Variants in PTPRG observed in about 807,000 individuals in gnomAD.
PTPRG encodes receptor-type tyrosine-protein phosphatase gamma.
Under a neutral mutation model 165.3 loss-of-function variants are expected in PTPRG, and 102 were observed. That is an observed-to-expected ratio of 0.62 (90% CI 0.53 to 0.73). The LOEUF is 0.73. PTPRG is among the 30% of genes least tolerant of loss of function. PTPRG has a pLI of 0.00. For missense variants in PTPRG, 1,866 were observed against 1,861.4 expected (o/e 1.00, Z -0.05); for synonymous variants, 675 against 669.5 (o/e 1.01, Z -0.13).
At chr3:61,839,817 C>G (rs986146581) in intron 2 of PTPRG, among the ~76,000 whole-genome samples, 3 of 152,166 alleles carry the variant, frequency 2.0e-5, no homozygotes, top group Admixed American at 2.0e-4. Flanking sequence ...CCTCACCTCT[C>G]AACTCTCACC....
chr3:62,059,240 C>T (rs900620235), intron 4 of PTPRG, among the ~76,000 whole-genome samples: 13 of 152,274 alleles, frequency 8.5e-5, no homozygotes, highest in African/African-American at 3.1e-4. Flanking sequence ...CTAGGGGACT[C>T]CTTCATAAGT....
chr3:62,192,659 C>T (rs1437981751), intron 9 of PTPRG, among the ~76,000 whole-genome samples: 2 of 152,056 alleles, frequency 1.3e-5, no homozygotes, highest in African/African-American at 4.8e-5. Context: ...GATCCGCCCA[C>T]CTCGGCCTCC....
chr3:62,064,142 A>G (rs1700918160), intron 4 of PTPRG, among the ~76,000 whole-genome samples: 1 of 151,038 alleles, frequency 6.6e-6, no homozygotes, highest in Non-Finnish European at 1.5e-5. Flanking sequence ...TTTTTTTCCG[A>G]TGAGCTACAT....
chr3:62,188,611 T>C (rs1047722551), intron 8 of PTPRG, among the ~76,000 whole-genome samples: 1 of 152,166 alleles, frequency 6.6e-6, no homozygotes, highest in Admixed American at 6.5e-5. Context: ...TGAATCATCT[T>C]AATGCACACA....
chr3:62,003,107 A>C (rs1346894586), intron 3 of PTPRG, among the ~76,000 whole-genome samples: 1 of 152,058 alleles, frequency 6.6e-6, no homozygotes, highest in African/African-American at 2.4e-5. Flanking sequence ...TAAATGGATA[A>C]GTAATTCTGA....
intron 1 of PTPRG, among the ~76,000 whole-genome samples, chr3:61,589,230 A>G (rs2106817402): frequency 6.6e-6 from 1 of 152,308 alleles, no homozygotes; most frequent in South Asian, 2.1e-4. Context: ...TATGAACAGC[A>G]CCACAATGGA....
intron 4 of PTPRG, among the ~76,000 whole-genome samples, chr3:62,033,207 C>G (rs1699825913): frequency 6.6e-6 from 1 of 152,086 alleles, no homozygotes; most frequent in African/African-American, 2.4e-5. Flanking sequence ...GACCTATGAA[C>G]CTACTTTCCT....
At chr3:62,227,002 G>T (rs1700778490) in intron 13 of PTPRG, among the ~76,000 whole-genome samples, 1 of 152,194 alleles carries the variant, frequency 6.6e-6, no homozygotes, top group Non-Finnish European at 1.5e-5. Flanking sequence ...GAGACAGAGT[G>T]TAATAAATAT....
intron 1 of PTPRG, among the ~76,000 whole-genome samples, chr3:61,640,417 T>G (rs1210205919): frequency 6.6e-6 from 1 of 152,118 alleles, no homozygotes; most frequent in Non-Finnish European, 1.5e-5. Flanking sequence ...CTCCTCCTCC[T>G]CCTCCTCTTC....
At chr3:61,943,752 T>C (rs1254637159) in intron 2 of PTPRG, among the ~76,000 whole-genome samples, 7 of 152,186 alleles carry the variant, frequency 4.6e-5, no homozygotes, top group South Asian at 4.1e-4. Context: ...AAATTTCTTA[T>C]ACGAGTCACT....
At chr3:61,752,012 C>T (rs1481194168) in intron 2 of PTPRG, among the ~76,000 whole-genome samples, 2 of 151,836 alleles carry the variant, frequency 1.3e-5, no homozygotes, top group African/African-American at 2.4e-5. Context: ...AAAAAGAAAA[C>T]GTTAACATAG....
intron 5 of PTPRG, among the ~76,000 whole-genome samples, chr3:62,101,679 G>C (rs1006817182): frequency 3.9e-4 from 59 of 152,356 alleles, no homozygotes; most frequent in African/African-American, 1.3e-3. Context: ...GTGGCCTCCA[G>C]TGGCCTGTGA....
At chr3:61,707,863 A>C (rs2106733873) in intron 1 of PTPRG, among the ~76,000 whole-genome samples, 1 of 152,262 alleles carries the variant, frequency 6.6e-6, no homozygotes, top group East Asian at 1.9e-4. Context: ...AACATGGTTC[A>C]TTGCAGCCTT....
At chr3:61,593,491 A>G (rs1700625108) in intron 1 of PTPRG, among the ~76,000 whole-genome samples, 1 of 152,034 alleles carries the variant, frequency 6.6e-6, no homozygotes, top group Non-Finnish European at 1.5e-5. Context: ...TGCTGCATAA[A>G]GGCTTAAATC....
At chr3:61,739,978 C>T (rs535234273) in intron 1 of PTPRG, among the ~76,000 whole-genome samples, 1 of 152,304 alleles carries the variant, frequency 6.6e-6, no homozygotes, top group African/African-American at 2.4e-5. Flanking sequence ...TCCACACTGG[C>T]AACTAATGCA....
chr3:61,720,575 CCCATGCTCCCCTCTTCCCACTT>C (rs1414098061), intron 1 of PTPRG, among the ~76,000 whole-genome samples: 2 of 152,170 alleles, frequency 1.3e-5, no homozygotes, highest in Non-Finnish European at 2.9e-5. Context: ...CGAAGGTCTC[CCCATGCTCCCCTCTTCCCACTT>C]CAAGGGCTAC....
At chr3:62,094,323 C>T (rs1702038601) in intron 5 of PTPRG, among the ~76,000 whole-genome samples, 1 of 152,148 alleles carries the variant, frequency 6.6e-6, no homozygotes, top group Non-Finnish European at 1.5e-5. Flanking sequence ...GTCATCATCC[C>T]TTGGTGGGGT....
At chr3:61,617,711 G>T (rs1390432453) in intron 1 of PTPRG, among the ~76,000 whole-genome samples, 1 of 152,224 alleles carries the variant, frequency 6.6e-6, no homozygotes, top group Non-Finnish European at 1.5e-5. Context: ...AATTTTGGAA[G>T]AAGTTGGATT....
chr3:61,918,025 A>G (rs1011059086), intron 2 of PTPRG, among the ~76,000 whole-genome samples: 3 of 152,234 alleles, frequency 2.0e-5, no homozygotes, highest in Non-Finnish European at 4.4e-5. Context: ...TGAATCATGT[A>G]GCTTAGAGAT....
Sources: gnomAD v4.1 joint callset for allele counts (sites outside exome capture counted in the v4.1 genomes callset) on GRCh38, gnomAD v4.1.1 for gene constraint, MANE v1.5 for transcripts, NCBI Gene and HGNC (gene_info 2026-07-23, HGNC 2026-07-21) for gene names.